The following MED13L variants were observed in gnomAD, a reference collection of about 807,000 sequenced individuals.
The protein encoded by MED13L is mediator complex subunit 13L.
A neutral mutation model predicts 220.9 loss-of-function variants in MED13L; 7 were observed. The observed-to-expected ratio is 0.03, with a 90% CI of 0.02 to 0.06. The LOEUF (loss-of-function observed/expected upper bound fraction) is 0.06, where lower values mean the gene tolerates loss of function less well. MED13L is among the 10% of genes least tolerant of loss of function. The pLI is 1.00. For missense variants in MED13L, 1,965 were observed against 2,760.5 expected, an observed-to-expected ratio of 0.71 and a Z score of 6.46; for synonymous variants, 1,011 against 1,015.2, an observed-to-expected ratio of 1.00 and a Z score of 0.08.
chr12:116,025,742 G>A (rs1425791479), intron 4 of MED13L, among the ~76,000 whole-genome samples: 2 of 152,144 alleles, frequency 1.3e-5, no homozygotes, highest in Admixed American at 6.5e-5. Context: ...GGAAGAGATG[G>A]AGGAGGTTAG....
At chr12:116,229,055 G>C (rs763900203) in intron 2 of MED13L, among the ~76,000 whole-genome samples, 13 of 152,020 alleles carry the variant, frequency 8.6e-5, no homozygotes, top group Non-Finnish European at 1.8e-4. Flanking sequence ...GGGATTACAG[G>C]CATGAGCCAT....
intron 15 of MED13L, 148 bp downstream of exon 15, chr12:115,996,862 G>T: frequency 9.9e-7 from 1 of 1,014,726 alleles, no homozygotes; most frequent in Non-Finnish European, 1.5e-6. Flanking sequence ...TATTTAATAT[G>T]CCTGCTGGTG....
At chr12:116,113,660 T>C (rs957059759) in intron 2 of MED13L, among the ~76,000 whole-genome samples, 1 of 124,404 alleles carries the variant, frequency 8.0e-6, no homozygotes, top group Non-Finnish European at 1.7e-5. Context: ...GCCTGTCTCA[T>C]AAAAAATAAA....
intron 3 of MED13L, 29 bp downstream of exon 3, chr12:116,111,399 A>C: frequency 1.7e-4 from 269 of 1,588,030 alleles, no homozygotes; most frequent in Non-Finnish European, 2.1e-4. Context: ...GGTTGTCTGC[A>C]AACCACTGTC....
At chr12:116,111,384 T>C (rs749407530) in intron 3 of MED13L, 44 bp downstream of exon 3, 57 of 1,497,988 alleles carry the variant, frequency 3.8e-5, no homozygotes, top group Non-Finnish European at 4.9e-5. Flanking sequence ...TCTAGCAATA[T>C]ACTTGGTTGT....
intron 4 of MED13L, among the ~76,000 whole-genome samples, chr12:116,055,968 G>T (rs1051837002): frequency 4.0e-5 from 6 of 151,628 alleles, no homozygotes; most frequent in African/African-American, 1.5e-4. Context: ...ACTTTAATAA[G>T]ATTCACTAAA....
Position 116,134,244 on chromosome 12 carries a change from T to C in MED13L, c.311-22732A>G, listed in dbSNP as rs375280354. Among the ~76,000 whole-genome samples the C allele has an allele frequency of 3.9e-5, 6 of 152,262 alleles. No individual in the cohort carries two copies. In the East Asian group the frequency reaches 9.6e-4, roughly 24 times the overall value. On this transcript the variant is annotated intron_variant, in intron 2 of 30. Transcript: ENST00000281928. ...TTTGCAGTAACATAATCTGGATGATTAGTGTTGGATGATAAATCATTAAGG... is the reference window on the plus strand; with the variant it reads ...TTTGCAGTAACATAATCTGGATGATCAGTGTTGGATGATAAATCATTAAGG...
At chr12:116,027,375 T>C (rs1243022132) in intron 4 of MED13L, among the ~76,000 whole-genome samples, 1 of 152,110 alleles carries the variant, frequency 6.6e-6, no homozygotes, top group Non-Finnish European at 1.5e-5. Context: ...ACAGCCCAGA[T>C]CATGCCACTG....
intron 4 of MED13L, among the ~76,000 whole-genome samples, chr12:116,031,767 G>GAAAAGAAAAGAAAA (rs1566020980): frequency 2.3e-5 from 3 of 129,220 alleles, no homozygotes; most frequent in Non-Finnish European, 5.1e-5. Context: ...AAAGAAGGAA[G>GAAAAGAAAAGAAAA]GAAGGAAGGA....
At chr12:116,209,763 A>G in intron 2 of MED13L, among the ~76,000 whole-genome samples, 1 of 152,192 alleles carries the variant, frequency 6.6e-6, no homozygotes, top group East Asian at 1.9e-4. Flanking sequence ...AAATAAACCA[A>G]GATGACACTT....
At chr12:116,127,739 C>G (rs1465266442) in intron 2 of MED13L, among the ~76,000 whole-genome samples, 26 of 152,232 alleles carry the variant, frequency 1.7e-4, no homozygotes, top group Admixed American at 1.7e-3. Flanking sequence ...CCTGCTTTCA[C>G]TCAAAGCACC....
intron 1 of MED13L, among the ~76,000 whole-genome samples, chr12:116,263,882 T>A (rs1872661341): frequency 6.6e-6 from 1 of 152,146 alleles, no homozygotes; most frequent in Non-Finnish European, 1.5e-5. Context: ...TGCCAATCAA[T>A]GGATTGCTAA....
intron 2 of MED13L, among the ~76,000 whole-genome samples, chr12:116,133,489 C>T (rs755557576): frequency 2.4e-4 from 36 of 152,244 alleles, no homozygotes; most frequent in Non-Finnish European, 4.1e-4. Flanking sequence ...CTGGTCTTAA[C>T]GGGCTCTAGG....
Position 115,975,729 on chromosome 12 carries a change from G to T in MED13L, c.5374C>A (p.Pro1792Thr). ...MTLKNPERPS[P>T]IQLYSPPFIL... is the part of the protein sequence containing the mutation. ...AAGGGAGGGGAGTAAAGCTGGATTG[G>T]GCTGGGCCGCTGAAATCAAAACCAA... Residue 1792 changes from proline to threonine, a missense_variant, in exon 24 of 31, where the codon CCA becomes ACA. Coordinates refer to ENST00000281928, the MANE Select transcript of MED13L (RefSeq NM_015335.5). The T allele has an allele frequency of 1.2e-6, 2 of 1,613,832 alleles. No individual in the cohort carries two copies. Among genetic ancestry groups the T allele is most frequent in the Non-Finnish European group, 1.7e-6 (2 of 1,179,990 alleles).
At chr12:116,124,142 G>C (rs200365536) in intron 2 of MED13L, among the ~76,000 whole-genome samples, 8 of 115,760 alleles carry the variant, frequency 6.9e-5, no homozygotes, top group Non-Finnish European at 1.2e-4. Context: ...GAGAGAGAGA[G>C]AGAGAGAGAC....
At chr12:116,121,372 G>T (rs1411913970) in intron 2 of MED13L, among the ~76,000 whole-genome samples, 1 of 152,008 alleles carries the variant, frequency 6.6e-6, no homozygotes, top group Non-Finnish European at 1.5e-5. Flanking sequence ...ACATAGAAAA[G>T]GTTCAGGGAG....
intron 4 of MED13L, among the ~76,000 whole-genome samples, chr12:116,093,791 C>G (rs1452400932): frequency 1.3e-5 from 2 of 152,010 alleles, no homozygotes; most frequent in Non-Finnish European, 2.9e-5. Context: ...ATTTGTTTAG[C>G]ACTGGGCAAC....
In MED13L at chr12:116,126,385, C is replaced by A. The variant is rs1216784510; in HGVS notation, c.311-14873G>T. Among the ~76,000 whole-genome samples, 3 of 152,278 alleles carry A rather than the reference C, an allele frequency of 2.0e-5. No homozygotes were observed. In the South Asian group the frequency reaches 6.2e-4, roughly 32 times the overall value. On this transcript the variant is annotated intron_variant, in intron 2 of 30. Transcript: ENST00000281928. ...GGATAGGGCACAGTCTGGAGTAGGG[C>A]AGGCCTGGGCGGCTCCCATAACACA... is the stretch of plus-strand genomic sequence containing the variant.
At chr12:116,181,475 C>G (rs1269295440) in intron 2 of MED13L, among the ~76,000 whole-genome samples, 1 of 152,128 alleles carries the variant, frequency 6.6e-6, no homozygotes, top group Admixed American at 6.6e-5. Flanking sequence ...TTACTATCAT[C>G]TCAATTATTT....
Sources: allele counts gnomAD v4.1 joint callset (sites outside exome capture counted in the v4.1 genomes callset), GRCh38; gene constraint gnomAD v4.1.1; transcripts MANE v1.5; gene names NCBI Gene and HGNC (gene_info 2026-07-23, HGNC 2026-07-21).